KAZN: variants seen among roughly 807,000 people sequenced by gnomAD.
KAZN encodes the protein kazrin.
KAZN carries 40 observed loss-of-function variants against 87.4 expected under a neutral mutation model. The ratio of observed to expected loss-of-function variants is 0.46; its 90% CI spans 0.36 to 0.60. The LOEUF (loss-of-function observed/expected upper bound fraction) is 0.60, where lower values mean the gene tolerates loss of function less well. KAZN is among the 20% of genes least tolerant of loss of function. The pLI, the probability that KAZN is intolerant of heterozygous loss-of-function variation, is 0.00. For synonymous variants in KAZN, 466 were observed against 458.3 expected (o/e 1.02, Z -0.22); for missense variants, 898 against 1,073.9 (o/e 0.84, Z 2.29).
At chr1:14,400,594 A>G (rs1346301853) in intron 2 of KAZN, among the ~76,000 whole-genome samples, 1 of 152,234 alleles carries the variant, frequency 6.6e-6, no homozygotes, top group Non-Finnish European at 1.5e-5. Context: ...TCTCCAGGCT[A>G]TGCCAGGGAC....
intron 1 of KAZN, among the ~76,000 whole-genome samples, chr1:14,745,098 C>T (rs1454265488): frequency 6.6e-6 from 1 of 152,040 alleles, no homozygotes; most frequent in Non-Finnish European, 1.5e-5. Context: ...TATGACCTAA[C>T]CAAAAGGTCT....
intron 10 of KAZN, among the ~76,000 whole-genome samples, chr1:15,098,236 G>A (rs911875853): frequency 2.0e-4 from 31 of 152,228 alleles, no homozygotes; most frequent in African/African-American, 7.0e-4. Flanking sequence ...GTTCAGGGAT[G>A]GGGCAGTGAC....
chr1:13,906,017 G>C (rs1356473705), intron 1 of KAZN, among the ~76,000 whole-genome samples: 1 of 152,058 alleles, frequency 6.6e-6, no homozygotes, highest in Non-Finnish European at 1.5e-5. Context: ...ATCTCCCTCT[G>C]ACTCTCTCTT....
intron 1 of KAZN, among the ~76,000 whole-genome samples, chr1:14,805,277 G>A (rs780367828): frequency 8.5e-5 from 13 of 152,126 alleles, no homozygotes; most frequent in Admixed American, 4.6e-4. Flanking sequence ...TGTGCCTCAC[G>A]CTGGGGTGTT....
chr1:14,779,346 T>C (rs1279553281), intron 1 of KAZN, among the ~76,000 whole-genome samples: 1 of 152,142 alleles, frequency 6.6e-6, no homozygotes, highest in Non-Finnish European at 1.5e-5. Context: ...CCCCCCGGCT[T>C]CCCTCTGGGG....
chr1:14,226,092 A>G (rs1410017124), intron 2 of KAZN, among the ~76,000 whole-genome samples: 1 of 152,122 alleles, frequency 6.6e-6, no homozygotes, highest in East Asian at 1.9e-4. Flanking sequence ...CAAACAAAAA[A>G]CCACCCTATC....
chr1:14,902,046 C>T (rs1187815336), intron 1 of KAZN, among the ~76,000 whole-genome samples: 1 of 152,048 alleles, frequency 6.6e-6, no homozygotes, highest in Non-Finnish European at 1.5e-5. Context: ...CCACCGGGCA[C>T]GTTAAAGACA....
chr1:14,901,697 A>G (rs2101266623), intron 1 of KAZN, among the ~76,000 whole-genome samples: 1 of 152,310 alleles, frequency 6.6e-6, no homozygotes, highest in Non-Finnish European at 1.5e-5. Flanking sequence ...AGATGGGTCC[A>G]TCCAGGTCAC....
intron 2 of KAZN, among the ~76,000 whole-genome samples, chr1:14,387,492 G>A (rs1662029691): frequency 6.6e-6 from 1 of 151,480 alleles, no homozygotes. Context: ...TGGGTTTTTG[G>A]TGTGGATGTC....
At chr1:14,991,019 C>T (rs550145156) in intron 2 of KAZN, among the ~76,000 whole-genome samples, 6 of 151,530 alleles carry the variant, frequency 4.0e-5, no homozygotes, top group South Asian at 2.1e-4. Flanking sequence ...CCAGAAGCTA[C>T]GGGGAGGCCT....
chr1:14,150,998 T>C (rs1040362129), intron 1 of KAZN, among the ~76,000 whole-genome samples: 1 of 152,186 alleles, frequency 6.6e-6, no homozygotes, highest in Admixed American at 6.5e-5. Context: ...GTGTATATTC[T>C]CAATTATATA....
intron 1 of KAZN, among the ~76,000 whole-genome samples, chr1:14,050,187 T>A (rs895524826): frequency 6.6e-6 from 1 of 151,276 alleles, no homozygotes; most frequent in African/African-American, 2.4e-5. Context: ...CGCACATGTG[T>A]GTACACATAT....
Position 14,238,612 on chromosome 1 carries a change from C to T in KAZN, c.249+58020C>T, listed in dbSNP as rs112418227. Among the ~76,000 whole-genome samples, 240 of 152,374 alleles carry T rather than the reference C, an allele frequency of 1.6e-3. 1 individual carries two copies. The highest frequency in any genetic ancestry group is 5.1e-3 in the African/African-American group (214 of 41,584). On this transcript the variant is annotated intron_variant, in intron 2 of 16. Coordinates refer to the KAZN transcript ENST00000636203. ...CTAAATTTAGCTCCTCTTGGCCATCCGGGCTGGAGCCCATGAGAGGCCAGA... is the reference window on the plus strand; with the variant it reads ...CTAAATTTAGCTCCTCTTGGCCATCTGGGCTGGAGCCCATGAGAGGCCAGA...
At chr1:14,815,008 A>G in intron 1 of KAZN, among the ~76,000 whole-genome samples, 1 of 152,166 alleles carries the variant, frequency 6.6e-6, no homozygotes, top group Non-Finnish European at 1.5e-5. Flanking sequence ...AGTGGAAGGC[A>G]ATGAGTGGAC....
intron 2 of KAZN, among the ~76,000 whole-genome samples, chr1:14,546,928 C>T (rs923072348): frequency 2.6e-5 from 4 of 152,186 alleles, no homozygotes; most frequent in African/African-American, 9.6e-5. Flanking sequence ...CCTTAAAAAG[C>T]ATCTTGTCCA....
chr1:14,160,553 G>C (rs1423402947), intron 1 of KAZN, among the ~76,000 whole-genome samples: 1 of 152,158 alleles, frequency 6.6e-6, no homozygotes, highest in Non-Finnish European at 1.5e-5. Context: ...GTTAAAGCCA[G>C]CTACTCTGAG....
intron 12 of KAZN, 53 bp downstream of exon 12, chr1:15,103,513 G>A (rs779059137): frequency 6.0e-6 from 7 of 1,171,534 alleles, no homozygotes; most frequent in Non-Finnish European, 7.4e-6. Flanking sequence ...CAAACCCCAT[G>A]CAAATCTATA....
intron 1 of KAZN, among the ~76,000 whole-genome samples, chr1:14,768,237 C>A (rs1295362580): frequency 6.6e-6 from 1 of 152,088 alleles, no homozygotes; most frequent in African/African-American, 2.4e-5. Context: ...ATTTATATGA[C>A]TATTTTGAGA....
At chr1:14,588,087 C>T (rs1031601482) in intron 2 of KAZN, among the ~76,000 whole-genome samples, 1 of 152,140 alleles carries the variant, frequency 6.6e-6, no homozygotes, top group Non-Finnish European at 1.5e-5. Context: ...CTTCCTGAGT[C>T]TCAGTTCTCC....
Sources: allele counts gnomAD v4.1 joint callset (sites outside exome capture counted in the v4.1 genomes callset), GRCh38; gene constraint gnomAD v4.1.1; transcripts MANE v1.5; gene names NCBI Gene and HGNC (gene_info 2026-07-23, HGNC 2026-07-21).